The following SPIDR variants were observed in gnomAD, a reference collection of about 807,000 sequenced individuals.
SPIDR encodes the protein DNA repair-scaffolding protein.
SPIDR carries 93 observed loss-of-function variants against 104.6 expected under a neutral mutation model. That is an observed-to-expected ratio of 0.89 (90% confidence interval 0.75 to 1.06). The LOEUF (loss-of-function observed/expected upper bound fraction) is 1.06, where lower values mean the gene tolerates loss of function less well. Ranked by LOEUF, SPIDR falls within the 50% of genes least tolerant of loss-of-function variation. The probability of loss-of-function intolerance (pLI) is 0.00; values close to 1 mark genes in which losing one functional copy is unlikely to be tolerated. For synonymous variants in SPIDR, 431 were observed against 416.9 expected, an observed-to-expected ratio of 1.03 and a Z score of -0.41; for missense variants, 1,154 against 1,111.2, an observed-to-expected ratio of 1.04 and a Z score of -0.55.
intron 5 of SPIDR, among the ~76,000 whole-genome samples, chr8:47,347,261 G>C (rs1194928185): frequency 6.6e-6 from 1 of 152,210 alleles, no homozygotes; most frequent in Non-Finnish European, 1.5e-5. Flanking sequence ...GCAGTTTTGA[G>C]TGAGTTTCTT....
intron 15 of SPIDR, 167 bp from the exon 16 acceptor site, chr8:47,713,322 C>T: frequency 2.2e-6 from 2 of 925,536 alleles, no homozygotes; most frequent in East Asian, 2.4e-5. Flanking sequence ...TTTAGCTTAG[C>T]TCATGGGGTT....
intron 8 of SPIDR, among the ~76,000 whole-genome samples, chr8:47,541,829 G>A (rs1587452531): frequency 6.6e-6 from 1 of 152,142 alleles, no homozygotes; most frequent in Admixed American, 6.5e-5. Context: ...AACTCGGGAG[G>A]CTGAGGTGGG....
Position 47,474,849 on chromosome 8 carries a change from TTAA to T in SPIDR, c.1097+34308_1097+34310del, listed in dbSNP as rs571934560. On this transcript the variant is annotated intron_variant, in intron 8 of 19. Transcript: ENST00000297423. The stretch of plus-strand genomic sequence containing the variant: ...CATGTTGCAGAGAAGAGTACAGTTT[TTAA>T]CTGTAATTGATTTGCTGAAAGCAGT... Among the ~76,000 whole-genome samples, 525 of 152,374 alleles carry T rather than the reference TTAA, an allele frequency of 3.4e-3. 1 individual carries two copies. The highest frequency in any genetic ancestry group is 5.7e-3 in the Non-Finnish European group (389 of 68,042).
chr8:47,260,893 TGCGGCGCGCCGAGGTGGGACG>T (rs2031915969), upstream of SPIDR: 21 of 1,187,600 alleles, frequency 1.8e-5, no homozygotes, highest in Non-Finnish European at 2.1e-5. Flanking sequence ...CAGGGCGCGG[TGCGGCGCGCCGAGGTGGGACG>T]GCGGCGCGCT....
At chr8:47,547,033 C>G (rs977805709) in intron 8 of SPIDR, 1 of 498,274 alleles carries the variant, frequency 2.0e-6, no homozygotes, top group Non-Finnish European at 3.9e-6. Flanking sequence ...CCCAAGTTAG[C>G]ACCTCCAGTC....
In SPIDR at chr8:47,439,672, A is replaced by C. The variant is rs1489632838; in HGVS notation, c.878-651A>C. On this transcript the variant is annotated intron_variant, in intron 7 of 19. Coordinates refer to ENST00000297423, the MANE Select transcript of SPIDR (RefSeq NM_001080394.4). ...TTCAGTTATCTCATTTAATCTGAACAAATGTTTCCTGGGGCAGGTGGCAGG... is the reference window on the plus strand; with the variant it reads ...TTCAGTTATCTCATTTAATCTGAACCAATGTTTCCTGGGGCAGGTGGCAGG... Among the ~76,000 whole-genome samples, 7 of 152,330 alleles carry C rather than the reference A, an allele frequency of 4.6e-5. No homozygotes were observed. The East Asian group carries it at 1.2e-3, about 25-fold the overall frequency.
At chr8:47,634,212 T>G (rs976277570) in intron 10 of SPIDR, among the ~76,000 whole-genome samples, 1 of 117,808 alleles carries the variant, frequency 8.5e-6, no homozygotes, top group East Asian at 2.4e-4. Flanking sequence ...CCCAGCACTT[T>G]GGGAGGCCAG....
At chr8:47,486,348 C>T (rs1554731157) in intron 8 of SPIDR, among the ~76,000 whole-genome samples, 2 of 152,120 alleles carry the variant, frequency 1.3e-5, no homozygotes, top group East Asian at 3.8e-4. Context: ...AAATATGGGA[C>T]TATGTGAAAA....
At chr8:47,563,300 G>A (rs1013417238) in intron 8 of SPIDR, among the ~76,000 whole-genome samples, 5 of 152,020 alleles carry the variant, frequency 3.3e-5, no homozygotes, top group African/African-American at 7.2e-5. Flanking sequence ...TCACCAAGTA[G>A]CTGAGATTAC....
At chr8:47,730,188 C>T (rs1023059151) in intron 19 of SPIDR, among the ~76,000 whole-genome samples, 2 of 152,096 alleles carry the variant, frequency 1.3e-5, no homozygotes, top group African/African-American at 4.8e-5. Flanking sequence ...CCCTGAGAGT[C>T]ACTGTGGTGA....
At chr8:47,719,159 C>T (rs1386903707) in intron 16 of SPIDR, among the ~76,000 whole-genome samples, 3 of 152,114 alleles carry the variant, frequency 2.0e-5, no homozygotes, top group Non-Finnish European at 4.4e-5. Flanking sequence ...AACCTAAAGT[C>T]ACTTTAGTGG....
rs554853777 is a variant in SPIDR, at chr8:47,502,657, G to A, written c.1097+62115G>A. 1.4e-4 allele frequency among the ~76,000 whole-genome samples: 22 copies of A among 152,232 alleles called. No homozygotes were observed. In the South Asian group the frequency reaches 4.4e-3, roughly 30 times the overall value. ...TTCCTTCGGTTCTGCTCTGATCTTA[G>A]TTATTTCTTGCCTTCTGCTAGCTTT... is the stretch of plus-strand genomic sequence containing the variant. On this transcript the variant is annotated intron_variant, in intron 8 of 19. Transcript: ENST00000297423.
intron 10 of SPIDR, among the ~76,000 whole-genome samples, chr8:47,619,861 A>C (rs2064883042): frequency 6.6e-6 from 1 of 152,194 alleles, no homozygotes; most frequent in African/African-American, 2.4e-5. Context: ...CCACCTGCTC[A>C]GCACATGTAT....
intron 5 of SPIDR, among the ~76,000 whole-genome samples, chr8:47,358,722 G>C (rs929039741): frequency 4.6e-5 from 7 of 152,148 alleles, no homozygotes; most frequent in African/African-American, 1.7e-4. Context: ...TGCATTATCT[G>C]ATCCCTATAT....
chr8:47,657,513 C>G (rs1222757794), intron 10 of SPIDR, among the ~76,000 whole-genome samples: 1 of 152,140 alleles, frequency 6.6e-6, no homozygotes, highest in East Asian at 1.9e-4. Context: ...GGATCCTACA[C>G]AGGTGATAAA....
intron 11 of SPIDR, 40 bp downstream of exon 11, chr8:47,673,981 G>T (rs1215306228): frequency 6.3e-7 from 1 of 1,595,124 alleles, no homozygotes; most frequent in South Asian, 1.1e-5. Context: ...TGCTACAATT[G>T]TTGGTTCTTT....
intron 8 of SPIDR, among the ~76,000 whole-genome samples, chr8:47,471,325 C>CAA (rs35332610): frequency 3.7e-4 from 41 of 110,720 alleles, no homozygotes; most frequent in African/African-American, 1.5e-3. Flanking sequence ...AATTCAATGT[C>CAA]AAAAAAAAAA....
chr8:47,682,893 A>C (rs1388159958), intron 11 of SPIDR, among the ~76,000 whole-genome samples: 1 of 152,220 alleles, frequency 6.6e-6, no homozygotes, highest in Non-Finnish European at 1.5e-5. Flanking sequence ...TCCTTAAGAT[A>C]AGAAACCTGA....
intron 8 of SPIDR, among the ~76,000 whole-genome samples, chr8:47,477,515 CTA>C (rs1329640923): frequency 5.3e-5 from 8 of 152,050 alleles, no homozygotes; most frequent in African/African-American, 1.9e-4. Flanking sequence ...TTAATTTTAA[CTA>C]TTTTATCATT....
Sources: gnomAD v4.1 joint callset for allele counts (sites outside exome capture counted in the v4.1 genomes callset) on GRCh38, gnomAD v4.1.1 for gene constraint, MANE v1.5 for transcripts, NCBI Gene and HGNC (gene_info 2026-07-23, HGNC 2026-07-21) for gene names.